The following UBR4 variants were observed in gnomAD, a reference collection of about 807,000 sequenced individuals.
UBR4 encodes ubiquitin protein ligase E3 component n-recognin 4.
UBR4 carries 124 observed loss-of-function variants against 575.6 expected under a neutral mutation model. The ratio of observed to expected loss-of-function variants is 0.22; its 90% CI spans 0.19 to 0.25. The LOEUF (loss-of-function observed/expected upper bound fraction) is 0.25. Among genes scored for constraint, UBR4 ranks in the 10% least tolerant of loss-of-function variants. The pLI, the probability that UBR4 is intolerant of heterozygous loss-of-function variation, is 1.00. For missense variants in UBR4, 4,818 were observed against 6,478.8 expected (o/e 0.74, Z 8.80); for synonymous variants, 2,455 against 2,473.7 (o/e 0.99, Z 0.22).
chr1:19,130,896 T>C (rs1051087610), intron 60 of UBR4, among the ~76,000 whole-genome samples: 3 of 152,042 alleles, frequency 2.0e-5, no homozygotes, highest in Admixed American at 1.3e-4. Context: ...TTTTCAAACA[T>C]CATTCATTCA....
At chr1:19,125,880 A>G (rs999188443) in intron 64 of UBR4, among the ~76,000 whole-genome samples, 1 of 152,200 alleles carries the variant, frequency 6.6e-6, no homozygotes, top group Non-Finnish European at 1.5e-5. Context: ...GCATTGTGCT[A>G]AGTCCTTTAC....
chr1:19,154,799 A>T (rs945763778), intron 44 of UBR4, 119 bp downstream of exon 44: 1 of 1,422,136 alleles, frequency 7.0e-7, no homozygotes, highest in Admixed American at 1.9e-5. Flanking sequence ...GGAGAAAAAA[A>T]GGTTGGCTGG....
intron 56 of UBR4, 39 bp from the exon 57 acceptor site, chr1:19,141,563 G>A: frequency 2.5e-6 from 4 of 1,597,228 alleles, no homozygotes; most frequent in Non-Finnish European, 3.4e-6. Context: ...CATGGTAAGT[G>A]GTAACTTTTG....
intron 57 of UBR4, 106 bp from the exon 58 acceptor site, chr1:19,140,998 C>A: frequency 2.5e-6 from 3 of 1,193,126 alleles, no homozygotes; most frequent in Non-Finnish European, 3.5e-6. Flanking sequence ...CAGCATGTGA[C>A]CCCCTCTGGC....
intron 3 of UBR4, among the ~76,000 whole-genome samples, chr1:19,199,263 T>C (rs1021184950): frequency 7.2e-5 from 11 of 152,190 alleles, no homozygotes; most frequent in African/African-American, 2.4e-4. Flanking sequence ...GCCCCTTTAG[T>C]TGGGACCTGC....
Position 19,157,506 on chromosome 1 carries a change from C to T in UBR4, c.5760+309G>A, listed in dbSNP as rs1441440930. ...TGCCCGCCAGAGTGACCAAACAGGG[C>T]AAGACTGGGAGCCAAGCCGTCCTCG... is the stretch of plus-strand genomic sequence containing the variant. On this transcript the variant is annotated intron_variant, in intron 40 of 105. Transcript: ENST00000375254. This position sits in a 1 kb window ranked among gnomAD's most constrained non-coding sequence, Gnocchi z 4.4. Among the ~76,000 whole-genome samples the T allele has an allele frequency of 3.3e-5, 5 of 152,208 alleles. No homozygotes were observed. Among genetic ancestry groups the T allele is most frequent in the Non-Finnish European group, 4.4e-5 (3 of 68,020 alleles).
intron 53 of UBR4, among the ~76,000 whole-genome samples, 155 bp downstream of exon 53, chr1:19,145,638 T>C (rs2084761613): frequency 6.6e-6 from 1 of 152,098 alleles, no homozygotes; most frequent in Admixed American, 6.6e-5. Context: ...CTCAGGAACA[T>C]TGCATTTATC....
At chr1:19,188,567 A>G (rs4912051) in intron 11 of UBR4, among the ~76,000 whole-genome samples, 7,603 of 152,336 alleles carry the variant, frequency 0.05, 265 homozygotes, top group Admixed American at 0.093. Context: ...CAAAAGAGAG[A>G]AAAGAAAATT....
intron 31 of UBR4, 36 bp from the exon 32 acceptor site, chr1:19,165,033 A>C (rs2088087356): frequency 1.9e-6 from 3 of 1,607,804 alleles, no homozygotes; most frequent in Non-Finnish European, 2.6e-6. Flanking sequence ...TCAGTAAAGA[A>C]GGGCAAGAGG....
chr1:19,170,885 TG>T lies in UBR4; in HGVS notation c.3522-3del. The T allele has an allele frequency of 6.2e-7, 1 of 1,614,096 alleles. No homozygotes were observed. Among genetic ancestry groups the T allele is most frequent in the Non-Finnish European group, 8.5e-7 (1 of 1,180,006 alleles). On this transcript the variant is annotated splice_polypyrimidine_tract_variant and splice_region_variant and intron_variant, in intron 25 of 105. Coordinates refer to ENST00000375254, the MANE Select transcript of UBR4 (RefSeq NM_020765.3). The stretch of plus-strand genomic sequence containing the variant: ...TTAAAGTTTTGCAGCAAATAGGCTC[TG>T]GGGAAAAAACAGGGGGAAAGTGAAG...
Position 19,128,262 on chromosome 1 carries a change from G to A in UBR4, c.9060C>T (p.Ala3020=), listed in dbSNP as rs2082035951. 6.2e-7 allele frequency: 1 copy of A among 1,613,986 alleles called. No homozygotes were observed. The highest frequency in any genetic ancestry group is 8.5e-7 in the Non-Finnish European group (1 of 1,179,948). The change falls in exon 62 of 106, where the codon GCC becomes GCT. Residue 3020 remains alanine, a synonymous_variant. Transcript: ENST00000375254. The stretch of plus-strand genomic sequence containing the variant: ...TAAGCTGGGAGAGCAGGTTGTCTAG[G>A]GCCCCCTTGTCTTTCTCATCTTCTC... ...LDGEDEKDKG[A]LDNLLSQLIA...
chr1:19,160,690 GAC>G (rs1243051943), intron 38 of UBR4, among the ~76,000 whole-genome samples: 1 of 152,182 alleles, frequency 6.6e-6, no homozygotes, highest in Non-Finnish European at 1.5e-5. Flanking sequence ...TCTACAGTAT[GAC>G]ACAACTAAAA....
rs987409234 is a variant in UBR4 at position 19,093,897 on chromosome 1, C to A, written c.13937+52G>T. The A allele has an allele frequency of 3.8e-6, 6 of 1,562,184 alleles. No individual in the cohort carries two copies. In the Admixed American group the frequency reaches 1.1e-4, roughly 28 times the overall value. On this transcript the variant is annotated intron_variant, in intron 95 of 105. Transcript: ENST00000375254. The surrounding 1 kb of genome is among the most constrained non-coding windows in gnomAD (Gnocchi z 4.8). The stretch of plus-strand genomic sequence containing the variant: ...TCTTCCTCATCTCACAGACCTAGTT[C>A]GGCGTTTTAGTGGAGACTCTCATTT...
At position 19,093,210 on chromosome 1, in the gene UBR4, G is replaced by A; in HGVS notation, c.14111+103C>T. On this transcript the variant is annotated intron_variant, in intron 96 of 105. Coordinates refer to ENST00000375254, the MANE Select transcript of UBR4 (RefSeq NM_020765.3). The surrounding 1 kb of genome is among the most constrained non-coding windows in gnomAD (Gnocchi z 4.8). Reference sequence around the variant, plus strand: ...GAAGCGGTTGGGAGGCCCCAAGGAGGGCAAGGGGCACACGTGAAGCTTTAT... The same window carrying A: ...GAAGCGGTTGGGAGGCCCCAAGGAGAGCAAGGGGCACACGTGAAGCTTTAT... 1 of 1,430,140 alleles carries A rather than the reference G, an allele frequency of 7.0e-7. No homozygotes were observed. The highest frequency in any genetic ancestry group is 9.6e-7 in the Non-Finnish European group (1 of 1,046,336). 88.6% of individuals were successfully genotyped at this position (1,430,140 alleles called of 1,614,324 possible). A position where few individuals can be genotyped will look rare whatever the true frequency, so the allele number is the denominator to read the frequency against.
intron 14 of UBR4, 129 bp downstream of exon 14, chr1:19,186,410 AG>A (rs1336687056): frequency 1.6e-6 from 1 of 623,530 alleles, no homozygotes; most frequent in Non-Finnish European, 2.5e-6. Flanking sequence ...CATAAAACCA[AG>A]GTCCAGGCTA....
Position 19,093,123 on chromosome 1 carries a change from AT to A in UBR4, c.14111+189del, listed in dbSNP as rs2077689672. Among the ~76,000 whole-genome samples, 1 of 152,250 alleles carries A rather than the reference AT, an allele frequency of 6.6e-6. No individual in the cohort carries two copies. Among genetic ancestry groups the A allele is most frequent in the South Asian group, 2.1e-4 (1 of 4,834 alleles). On this transcript the variant is annotated intron_variant, in intron 96 of 105. Coordinates refer to ENST00000375254, the MANE Select transcript of UBR4 (RefSeq NM_020765.3). This position sits in a 1 kb window ranked among gnomAD's most constrained non-coding sequence, Gnocchi z 4.8. Reference sequence around the variant, plus strand: ...TCTAAGTAGAAACCAAAAAGTTGCCATCCTTTTCCGGCAAGCCCCGAGGACT... The same window carrying A: ...TCTAAGTAGAAACCAAAAAGTTGCCACCTTTTCCGGCAAGCCCCGAGGACT...
rs184748537 is a variant in UBR4 at position 19,076,906 on chromosome 1, C to G, written c.15325-4G>C. The G allele has an allele frequency of 1.2e-5, 18 of 1,545,524 alleles. No homozygotes were observed. Among genetic ancestry groups the G allele is most frequent in the Non-Finnish European group, 1.6e-5 (18 of 1,149,086 alleles). ...CTGTGTTACTGGTAGGCACCTTCTACGAGAATCAACAGGAGACAAGAGAGG... is the reference window on the plus strand; with the variant it reads ...CTGTGTTACTGGTAGGCACCTTCTAGGAGAATCAACAGGAGACAAGAGAGG... On this transcript the variant is annotated splice_polypyrimidine_tract_variant and splice_region_variant and intron_variant, in intron 104 of 105. Coordinates refer to ENST00000375254, the MANE Select transcript of UBR4 (RefSeq NM_020765.3).
chr1:19,106,162 G>T (rs2079172123), intron 83 of UBR4, among the ~76,000 whole-genome samples: 1 of 152,164 alleles, frequency 6.6e-6, no homozygotes, highest in African/African-American at 2.4e-5. Flanking sequence ...ACACTTATAT[G>T]CTGAATACTT....
chr1:19,192,052 A>G (rs1046473784), intron 11 of UBR4, 136 bp downstream of exon 11: 1 of 823,300 alleles, frequency 1.2e-6, no homozygotes, highest in Non-Finnish European at 1.9e-6. Flanking sequence ...GGTCATGATC[A>G]TTATCTTAGT....
Sources: gnomAD v4.1 joint callset for allele counts (sites outside exome capture counted in the v4.1 genomes callset) on GRCh38, gnomAD v4.1.1 for gene constraint, Gnocchi (gnomAD v3.1) non-coding constraint, MANE v1.5 for transcripts, NCBI Gene and HGNC (gene_info 2026-07-23, HGNC 2026-07-21) for gene names.